Variants in STAP1 observed in about 807,000 individuals in gnomAD.
STAP1 encodes the protein signal-transducing adaptor protein 1.
A neutral mutation model predicts 37.8 loss-of-function variants in STAP1; 30 were observed. The ratio of observed to expected loss-of-function variants is 0.79; its 90% confidence interval spans 0.59 to 1.08. The LOEUF (loss-of-function observed/expected upper bound fraction) is 1.08, where lower values mean the gene tolerates loss of function less well. Among genes scored for constraint, STAP1 ranks in the 50% least tolerant of loss-of-function variants. The pLI, the probability that STAP1 is intolerant of heterozygous loss-of-function variation, is 0.00. For synonymous variants in STAP1, 130 were observed against 116.0 expected (o/e 1.12, Z -0.78); for missense variants, 357 against 349.4 (o/e 1.02, Z -0.17).
At chr4:67,581,215 G>A in intron 4 of STAP1, 90 bp from the exon 5 acceptor site, 1 of 1,234,678 alleles carries the variant, frequency 8.1e-7, no homozygotes, top group Non-Finnish European at 1.1e-6. Flanking sequence ...GGTAACTGTA[G>A]CCCTATAGGA....
At chr4:67,576,248 C>T (rs968513425) in intron 3 of STAP1, among the ~76,000 whole-genome samples, 7 of 152,142 alleles carry the variant, frequency 4.6e-5, no homozygotes, top group African/African-American at 4.8e-5. Flanking sequence ...CTCCTAATCT[C>T]TCTTACCCTG....
chr4:67,593,427 A>C (rs571642029), intron 8 of STAP1, 71 bp downstream of exon 8: 11 of 1,102,630 alleles, frequency 1.0e-5, no homozygotes, highest in African/African-American at 1.6e-5. Context: ...AAAACTCTGC[A>C]TATGATTGAT....
chr4:67,569,810 A>AC (rs1727558821), intron 1 of STAP1, among the ~76,000 whole-genome samples: 1 of 151,602 alleles, frequency 6.6e-6, no homozygotes, highest in Non-Finnish European at 1.5e-5. Flanking sequence ...GCTCATTGCA[A>AC]CCTCTGCCTC....
chr4:67,560,192 T>G (rs1252452045), intron 1 of STAP1, among the ~76,000 whole-genome samples: 1 of 150,802 alleles, frequency 6.6e-6, no homozygotes, highest in Non-Finnish European at 1.5e-5. Flanking sequence ...AGACATGTCA[T>G]TGGTATGGTT....
intron 8 of STAP1, among the ~76,000 whole-genome samples, chr4:67,606,034 T>C (rs1014849397): frequency 2.0e-5 from 3 of 152,080 alleles, no homozygotes; most frequent in Non-Finnish European, 2.9e-5. Context: ...AAATTAGCAG[T>C]TTAAACTAAA....
At chr4:67,590,355 C>G (rs1728092926) in intron 6 of STAP1, among the ~76,000 whole-genome samples, 1 of 152,066 alleles carries the variant, frequency 6.6e-6, no homozygotes. Context: ...TTCCATATCT[C>G]CAAGTCAGCC....
chr4:67,561,435 T>G (rs1031383657), intron 1 of STAP1, among the ~76,000 whole-genome samples: 9 of 152,170 alleles, frequency 5.9e-5, no homozygotes, highest in African/African-American at 9.7e-5. Context: ...ACCTGGTCTA[T>G]AAAGGCATGA....
intron 6 of STAP1, among the ~76,000 whole-genome samples, chr4:67,584,672 T>C (rs778793764): frequency 6.7e-6 from 1 of 150,030 alleles, no homozygotes; most frequent in Non-Finnish European, 1.5e-5. Flanking sequence ...AGGCAGCAAA[T>C]GTGTATGCCT....
intron 8 of STAP1, among the ~76,000 whole-genome samples, chr4:67,598,149 G>T (rs1244923103): frequency 1.3e-5 from 2 of 152,152 alleles, no homozygotes; most frequent in Non-Finnish European, 2.9e-5. Context: ...TTATGATAAT[G>T]AGTTCTCACA....
chr4:67,566,093 C>T (rs1253210810), intron 1 of STAP1, among the ~76,000 whole-genome samples: 9 of 151,376 alleles, frequency 5.9e-5, no homozygotes, highest in Non-Finnish European at 1.2e-4. Context: ...GGATTACAGG[C>T]GCCCGCCACT....
At chr4:67,586,176 C>T (rs756757579) in intron 6 of STAP1, among the ~76,000 whole-genome samples, 3 of 152,038 alleles carry the variant, frequency 2.0e-5, no homozygotes, top group Admixed American at 6.6e-5. Context: ...CTGCATATTT[C>T]GGCCAGGCAC....
At chr4:67,587,665 A>C (rs889410015) in intron 6 of STAP1, among the ~76,000 whole-genome samples, 2 of 152,070 alleles carry the variant, frequency 1.3e-5, no homozygotes, top group African/African-American at 4.8e-5. Context: ...TGGAAGTCAG[A>C]AGCTAAGAAC....
intron 8 of STAP1, among the ~76,000 whole-genome samples, chr4:67,600,383 T>C (rs1728313973): frequency 6.6e-6 from 1 of 151,364 alleles, no homozygotes; most frequent in Non-Finnish European, 1.5e-5. Context: ...ATTACTTCAA[T>C]TTTTTTTTAA....
chr4:67,569,641 T>C (rs1727554283), intron 1 of STAP1, among the ~76,000 whole-genome samples: 1 of 152,170 alleles, frequency 6.6e-6, no homozygotes, highest in Non-Finnish European at 1.5e-5. Flanking sequence ...AGCTTTTTGT[T>C]TAAAACTAAG....
intron 7 of STAP1, 130 bp from the exon 8 acceptor site, chr4:67,593,130 A>G: frequency 8.4e-6 from 5 of 597,860 alleles, no homozygotes; most frequent in East Asian, 2.9e-5. Flanking sequence ...GATAGGTAAA[A>G]CTATGGTCAT....
At chr4:67,597,573 G>A (rs1198600804) in intron 8 of STAP1, among the ~76,000 whole-genome samples, 1 of 152,210 alleles carries the variant, frequency 6.6e-6, no homozygotes, top group Non-Finnish European at 1.5e-5. Flanking sequence ...GCCAGCCCAT[G>A]AAAGCAGCCG....
chr4:67,566,160 C>G (rs1272068579), intron 1 of STAP1, among the ~76,000 whole-genome samples: 1 of 152,040 alleles, frequency 6.6e-6, no homozygotes, highest in African/African-American at 2.4e-5. Context: ...GTTGGCCAGA[C>G]TGGCCTCGAA....
At chr4:67,582,301 G>GTTTTTTTTTT (rs368595773) in intron 5 of STAP1, among the ~76,000 whole-genome samples, 1 of 148,062 alleles carries the variant, frequency 6.8e-6, no homozygotes, top group African/African-American at 2.5e-5. Flanking sequence ...TAACATTTTA[G>GTTTTTTTTTT]TTTTTTTTTT....
chr4:67,575,400 G>C lies in STAP1; in HGVS notation c.208G>C (p.Asp70His), dbSNP rs1406065043. The C allele has an allele frequency of 6.3e-7, 1 of 1,590,590 alleles. No homozygotes were observed. The highest frequency in any genetic ancestry group is 8.5e-7 in the Non-Finnish European group (1 of 1,172,972). Residue 70 changes from aspartate (D) to histidine (H), a missense_variant, in exon 3 of 9, where the codon GAC becomes CAC. By Grantham distance (81) the Asp-to-His change is moderately conservative. Coordinates refer to ENST00000265404, the MANE Select transcript of STAP1 (RefSeq NM_012108.4). ...KKSIIYVDKL[D>H]IVDLTCLTEQ... ...ATCTTTGCAGTATGTTGACAAATTA[G>C]ACATAGTAGACCTCACATGCCTTAC...
Sources: gnomAD v4.1 joint callset for allele counts (sites outside exome capture counted in the v4.1 genomes callset) on GRCh38, gnomAD v4.1.1 for gene constraint, MANE v1.5 for transcripts, NCBI Gene and HGNC (gene_info 2026-07-23, HGNC 2026-07-21) for gene names.